EPHA2: variants seen among roughly 807,000 people sequenced by gnomAD.
EPHA2 encodes EPH receptor A2.
A neutral mutation model predicts 104.9 loss-of-function variants in EPHA2; 54 were observed. The observed-to-expected ratio is 0.51, with a 90% CI of 0.41 to 0.65. EPHA2 has a LOEUF of 0.65. Ranked by LOEUF, EPHA2 falls within the 30% of genes least tolerant of loss-of-function variation. The pLI, the probability that EPHA2 is intolerant of heterozygous loss-of-function variation, is 0.00. For synonymous variants in EPHA2, 560 were observed against 559.1 expected (o/e 1.00, Z -0.02); for missense variants, 1,117 against 1,369.5 (o/e 0.82, Z 2.91).
Position 16,135,687 on chromosome 1 carries a change from C to T in EPHA2, c.1396G>A (p.Val466Met). ...CGGTAAGTGACCTCGTACTTCCACA[C>T]TCGGCTCTGCTGCGGCGGGGGGATG... ...WSIPPPQQSR[V>M]WKYEVTYRKK... is the part of the protein sequence containing the mutation. The change falls in exon 6 of 17, where the codon GTG becomes ATG. Residue 466 changes from valine (V) to methionine (M), a missense_variant. By Grantham distance (21) the Val-to-Met change is conservative. Around this residue, in one of 3 missense-constraint regions of EPHA2, gnomAD observed 664 missense variants for 784.8 expected, o/e 0.85. Coordinates refer to ENST00000358432, the MANE Select transcript of EPHA2 (RefSeq NM_004431.5). This position sits in a 1 kb window ranked among gnomAD's most constrained non-coding sequence, Gnocchi z 4.3. 6.2e-7 allele frequency: 1 copy of T among 1,613,938 alleles called. No homozygotes were observed.
chr1:16,140,089 C>A (rs1477230598), intron 3 of EPHA2, among the ~76,000 whole-genome samples: 1 of 152,172 alleles, frequency 6.6e-6, no homozygotes. Flanking sequence ...CAGAGGGGGA[C>A]CAGGAGTCAG....
intron 2 of EPHA2, 53 bp from the exon 3 acceptor site, chr1:16,149,100 C>A (rs2024990797): frequency 1.8e-5 from 28 of 1,589,940 alleles, no homozygotes; most frequent in Non-Finnish European, 2.3e-5. Context: ...GAAACTGAGG[C>A]CCAGGTGGCA....
At chr1:16,132,847 T>G (rs1463589356) in intron 11 of EPHA2, among the ~76,000 whole-genome samples, 5 of 50,086 alleles carry the variant, frequency 1.0e-4, no homozygotes, top group African/African-American at 1.6e-4. Flanking sequence ...TGTAAGGAGG[T>G]GGGTGCAGGT....
intron 9 of EPHA2, 31 bp downstream of exon 9, chr1:16,133,829 G>A: frequency 6.5e-7 from 1 of 1,535,056 alleles, no homozygotes; most frequent in Non-Finnish European, 8.8e-7. Context: ...GTGCGGGCAG[G>A]GCTGGGCCTG....
chr1:16,127,685 A>AGG (rs2024495206), intron 16 of EPHA2, among the ~76,000 whole-genome samples: 1 of 152,170 alleles, frequency 6.6e-6, no homozygotes, highest in South Asian at 2.1e-4. Flanking sequence ...AAAGAGGCAG[A>AGG]GGGGAAGGAG....
intron 5 of EPHA2, among the ~76,000 whole-genome samples, chr1:16,136,760 A>G (rs1251672420): frequency 1.4e-5 from 2 of 147,836 alleles, no homozygotes; most frequent in African/African-American, 5.2e-5. Flanking sequence ...AAGAAGAAGA[A>G]GAAGAAGAAG....
intron 1 of EPHA2, among the ~76,000 whole-genome samples, chr1:16,153,595 C>T (rs926560616): frequency 6.6e-6 from 1 of 152,182 alleles, no homozygotes; most frequent in Non-Finnish European, 1.5e-5. Flanking sequence ...AGCCAAGAAG[C>T]GGGATGCTCA....
chr1:16,146,719 G>A (rs1043669518), intron 3 of EPHA2, among the ~76,000 whole-genome samples: 8 of 152,002 alleles, frequency 5.3e-5, no homozygotes, highest in Non-Finnish European at 8.8e-5. Context: ...ACTTCTCATC[G>A]GGGGGTTTAC....
chr1:16,130,269 G>C lies in EPHA2; in HGVS notation c.2626C>G (p.Arg876Gly). The change falls in exon 15 of 17, where the codon CGT becomes GGT. Residue 876 changes from arginine (R) to glycine (G), a missense_variant. Coordinates refer to ENST00000358432, the MANE Select transcript of EPHA2 (RefSeq NM_004431.5). This position sits in a 1 kb window ranked among gnomAD's most constrained non-coding sequence, Gnocchi z 4.5. Reference sequence around the variant, plus strand: ...AGGGTCTTGAGGGAGTCAGGGGCACGAATGAGCTTGTCCAGGATGCTGACG... The same window carrying C: ...AGGGTCTTGAGGGAGTCAGGGGCACCAATGAGCTTGTCCAGGATGCTGACG... ...DIVSILDKLI[R>G]APDSLKTLAD... 6.2e-7 allele frequency: 1 copy of C among 1,614,040 alleles called. No homozygotes were observed. Among genetic ancestry groups the C allele is most frequent in the Non-Finnish European group, 8.5e-7 (1 of 1,179,930 alleles).
Position 16,135,509 on chromosome 1 carries a change from C to A in EPHA2, c.1428+146G>T, listed in dbSNP as rs2024666052. ...TGCTGTGCTGCCTTGGGAGATGTAA[C>A]CCCCTGGCAGACCCCAGGCCTCAGT... is the stretch of plus-strand genomic sequence containing the variant. On this transcript the variant is annotated intron_variant, in intron 6 of 16. Transcript: ENST00000358432. This position sits in a 1 kb window ranked among gnomAD's most constrained non-coding sequence, Gnocchi z 4.3. The A allele has an allele frequency of 2.4e-6, 2 of 818,454 alleles. No individual in the cohort carries two copies. The highest frequency in any genetic ancestry group is 2.0e-5 in the Admixed American group (1 of 50,840). 50.7% of individuals were successfully genotyped at this position (818,454 alleles called of 1,614,324 possible). A position where few individuals can be genotyped will look rare whatever the true frequency, so the allele number is the denominator to read the frequency against.
intron 1 of EPHA2, among the ~76,000 whole-genome samples, chr1:16,154,573 G>A (rs2025112069): frequency 1.3e-5 from 2 of 151,872 alleles, no homozygotes; most frequent in South Asian, 4.2e-4. Context: ...GGCCAACATG[G>A]TGAAACCTCG....
chr1:16,154,242 A>G (rs2025103654), intron 1 of EPHA2, among the ~76,000 whole-genome samples: 1 of 151,978 alleles, frequency 6.6e-6, no homozygotes, highest in Non-Finnish European at 1.5e-5. Context: ...GGAGGACCAA[A>G]CGTTGGTGGG....
chr1:16,141,009 A>C (rs1233554495), intron 3 of EPHA2, among the ~76,000 whole-genome samples: 1 of 152,204 alleles, frequency 6.6e-6, no homozygotes, highest in Admixed American at 6.5e-5. Context: ...CTGGGATTAC[A>C]GGCGTGAGCC....
Position 16,134,778 on chromosome 1 carries a change from G to A in EPHA2, c.1583-211C>T, listed in dbSNP as rs1461612491. Among the ~76,000 whole-genome samples the A allele has an allele frequency of 6.6e-6, 1 of 152,144 alleles. No homozygotes were observed. Among genetic ancestry groups the A allele is most frequent in the Admixed American group, 6.5e-5 (1 of 15,270 alleles). On this transcript the variant is annotated intron_variant, in intron 7 of 16. Coordinates refer to ENST00000358432, the MANE Select transcript of EPHA2 (RefSeq NM_004431.5). This position sits in a 1 kb window ranked among gnomAD's most constrained non-coding sequence, Gnocchi z 4.5. The stretch of plus-strand genomic sequence containing the variant: ...GTATTGCAGGTATGTGGGGCTCAAA[G>A]CTCTGGCTTTTTCTGAGATGCGGAT...
intron 3 of EPHA2, among the ~76,000 whole-genome samples, chr1:16,143,921 G>A (rs77476332): frequency 0.022 from 3,286 of 152,298 alleles, 121 homozygotes; most frequent in African/African-American, 0.075. Flanking sequence ...CGTCTCTGCA[G>A]AAGGGGGGCT....
rs750609230 is a variant in EPHA2 at position 16,135,797 on chromosome 1, T to C, written c.1313-27A>G. ...TGGGCAGGACAGGCAGTGGGGGAAG[T>C]GGGTAAGAAGCTGCCTACGAGCAGG... On this transcript the variant is annotated intron_variant, in intron 5 of 16. Transcript: ENST00000358432. This position sits in a 1 kb window ranked among gnomAD's most constrained non-coding sequence, Gnocchi z 4.3. 3.1e-6 allele frequency: 4 copies of C among 1,310,890 alleles called. No homozygotes were observed. The East Asian group carries it at 6.9e-5, about 23-fold the overall frequency. 81.2% of individuals were successfully genotyped at this position (1,310,890 alleles called of 1,614,324 possible).
In EPHA2 at chr1:16,138,259, C is replaced by T. The variant is rs368221949; in HGVS notation, c.979+16G>A. On this transcript the variant is annotated intron_variant, in intron 4 of 16. Transcript: ENST00000358432. Reference sequence around the variant, plus strand: ...TCACCCTCAGTCACGCCACCCTGACCCACTGCAAGACTCACGTGTGCAAGG... The same window carrying T: ...TCACCCTCAGTCACGCCACCCTGACTCACTGCAAGACTCACGTGTGCAAGG... The T allele has an allele frequency of 1.9e-6, 3 of 1,613,006 alleles. No homozygotes were observed. Among genetic ancestry groups the T allele is most frequent in the African/African-American group, 2.7e-5 (2 of 74,882 alleles).
chr1:16,138,665 A>C (rs912620914), intron 3 of EPHA2, among the ~76,000 whole-genome samples: 6 of 151,918 alleles, frequency 3.9e-5, no homozygotes, highest in Non-Finnish European at 7.4e-5. Context: ...CCTTTGCTTC[A>C]CTCCCCACTG....
intron 11 of EPHA2, 71 bp downstream of exon 11, chr1:16,133,109 G>C: frequency 6.3e-7 from 1 of 1,595,640 alleles, no homozygotes; most frequent in South Asian, 1.1e-5. Context: ...AGGGGAGGTG[G>C]GCACAGTCAC....
Sources: gnomAD v4.1 joint callset for allele counts (sites outside exome capture counted in the v4.1 genomes callset) on GRCh38, gnomAD v4.1.1 for gene constraint, gnomAD v4.1.1 regional missense constraint, Gnocchi (gnomAD v3.1) non-coding constraint, MANE v1.5 for transcripts, NCBI Gene and HGNC (gene_info 2026-07-23, HGNC 2026-07-21) for gene names.